PCDHB7: variants seen among roughly 807,000 people sequenced by gnomAD.
The protein encoded by PCDHB7 is protocadherin beta-7.
For missense variants in PCDHB7, 1,148 were observed against 1,011.6 expected (o/e 1.13, Z -1.83); for synonymous variants, 542 against 463.1 (o/e 1.17, Z -2.19).
At position 141,176,374 on chromosome 5, in the gene PCDHB7, G is replaced by A. The variant is rs533396672; in HGVS notation, c.*1157G>A. 59 of 166,878 alleles carry A rather than the reference G, an allele frequency of 3.5e-4. No homozygotes were observed. Among genetic ancestry groups the A allele is most frequent in the African/African-American group, 1.2e-3 (51 of 41,568 alleles). The allele number at this position is 166,878 out of a possible 1,614,324, so 10.3% of individuals were successfully genotyped here. A position where few individuals can be genotyped will look rare whatever the true frequency, so the allele number is the denominator to read the frequency against. ...AGAAATTCTCGGAAGTTAAGGAGAA[G>A]CACTGTTTTTTATAAAAATTTACAA... On this transcript the variant is annotated 3_prime_UTR_variant, in exon 1 of 1. Coordinates refer to ENST00000231137, the MANE Select transcript of PCDHB7 (RefSeq NM_018940.4).
Position 141,173,547 on chromosome 5 carries a change from A to G in PCDHB7, c.712A>G (p.Asn238Asp). The G allele has an allele frequency of 6.2e-7, 1 of 1,613,656 alleles. No homozygotes were observed. Among genetic ancestry groups the G allele is most frequent in the South Asian group, 1.1e-5 (1 of 91,058 alleles). The change falls in exon 1 of 1, where the codon AAC becomes GAC. Residue 238 changes from asparagine to aspartate, a missense_variant. By Grantham distance (23) the Asn-to-Asp change is conservative. Transcript: ENST00000231137. ...CATTCTGGTTCTAGACGTAAATGAC[A>G]ACGCCCCTGATTTTGTGCGGTCGCT... ...VRILVLDVND[N>D]APDFVRSLYK...
In PCDHB7 at chr5:141,175,175, A is replaced by G. The variant is rs1554280487; in HGVS notation, c.2340A>G (p.Glu780=). 1.2e-6 allele frequency: 2 copies of G among 1,610,880 alleles called. No individual in the cohort carries two copies. Among genetic ancestry groups the G allele is most frequent in the South Asian group, 2.2e-5 (2 of 90,754 alleles). ...TGCTACCCCAGAGCACAGGCAGGGAAGTGGAAGAAAATCGCCCATTTCAGA... is the reference window on the plus strand; with the variant it reads ...TGCTACCCCAGAGCACAGGCAGGGAGGTGGAAGAAAATCGCCCATTTCAGA... The part of the protein sequence containing the change: ...PNLLPQSTGR[E]VEENRPFQNN... The change falls in exon 1 of 1, where the codon GAA becomes GAG. Residue 780 remains glutamate, a synonymous_variant. Transcript: ENST00000231137.
chr5:141,173,707 C>G lies in PCDHB7; in HGVS notation c.872C>G (p.Thr291Arg), dbSNP rs782300561. Residue 291 changes from threonine to arginine, a missense_variant, in exon 1 of 1, where the codon ACG (threonine) becomes AGG (arginine). Coordinates refer to ENST00000231137, the MANE Select transcript of PCDHB7 (RefSeq NM_018940.4). Reference protein sequence around the residue: ...FSYATERILKTFQINPTSGSL... With the variant: ...FSYATERILKRFQINPTSGSL... ...TACGCCACTGAAAGAATTCTCAAAA[C>G]GTTTCAAATCAATCCAACATCTGGC... The G allele has an allele frequency of 6.2e-7, 1 of 1,613,898 alleles. No individual in the cohort carries two copies. Among genetic ancestry groups the G allele is most frequent in the African/African-American group, 1.3e-5 (1 of 74,918 alleles).
Position 141,172,904 on chromosome 5 carries a change from G to A in PCDHB7, c.69G>A (p.Met23Ile), listed in dbSNP as rs139311325. Residue 23 changes from methionine (M) to isoleucine (I), a missense_variant, in exon 1 of 1, where the codon ATG becomes ATA. Transcript: ENST00000231137. The stretch of plus-strand genomic sequence containing the variant: ...TATTTCTTTGTGTATTTCTGGGAAT[G>A]TCTTGGGCTGGCGCCGAACCGCTTC... ...QVLFLCVFLG[M>I]SWAGAEPLRY... is the part of the protein sequence containing the mutation. 19 of 1,614,114 alleles carry A rather than the reference G, an allele frequency of 1.2e-5. No homozygotes were observed. In the African/African-American group the frequency reaches 1.6e-4, roughly 14 times the overall value.
rs782089923 is a variant in PCDHB7 at position 141,173,832 on chromosome 5, G to A, written c.997G>A (p.Val333Ile). The change falls in exon 1 of 1, where the codon GTA becomes ATA. Residue 333 changes from valine (V) to isoleucine (I), a missense_variant. Val to Ile is a conservative substitution (Grantham distance 29). Transcript: ENST00000231137. ...DGGGLSGKCT[V>I]VVDVTDINDN... ...CGGCGGGCTTTCTGGAAAATGCACT[G>A]TAGTGGTTGATGTAACAGATATAAA... is the stretch of plus-strand genomic sequence containing the variant. 2 of 1,614,194 alleles carry A rather than the reference G, an allele frequency of 1.2e-6. No individual in the cohort carries two copies. The highest frequency in any genetic ancestry group is 1.7e-6 in the Non-Finnish European group (2 of 1,180,030).
At position 141,173,879 on chromosome 5, in the gene PCDHB7, C is replaced by G. The variant is rs782372384; in HGVS notation, c.1044C>G (p.Leu348=). The change falls in exon 1 of 1, where the codon CTC becomes CTG. Residue 348 remains leucine (L), a synonymous_variant. Coordinates refer to ENST00000231137, the MANE Select transcript of PCDHB7 (RefSeq NM_018940.4). ...TDINDNRPEL[L]LSSLTSPIAE... is the part of the protein sequence containing the mutation. The stretch of plus-strand genomic sequence containing the variant: ...TAAACGATAATCGACCCGAGCTGCT[C>G]CTGTCTTCACTTACTAGCCCAATTG... The G allele has an allele frequency of 2.5e-6, 4 of 1,613,626 alleles. No individual in the cohort carries two copies. Among genetic ancestry groups the G allele is most frequent in the Non-Finnish European group, 3.4e-6 (4 of 1,179,658 alleles).
At position 141,175,365 on chromosome 5, in the gene PCDHB7, G is replaced by C. The variant is rs1448101553; in HGVS notation, c.*148G>C. 22 of 939,530 alleles carry C rather than the reference G, an allele frequency of 2.3e-5. No individual in the cohort carries two copies. The highest frequency in any genetic ancestry group is 3.4e-5 in the Non-Finnish European group (22 of 640,986). The allele number at this position is 939,530 out of a possible 1,614,324, so 58.2% of individuals were successfully genotyped here. ...ATTTCTATACATAAAATAGGATCCT[G>C]ATTTAGTATCAAGAACCCTTCACAA... On this transcript the variant is annotated 3_prime_UTR_variant, in exon 1 of 1. Coordinates refer to ENST00000231137, the MANE Select transcript of PCDHB7 (RefSeq NM_018940.4).
chr5:141,175,245 G>T lies in PCDHB7; in HGVS notation c.*28G>T. Reference sequence around the variant, plus strand: ...AAGAATGTAAACTAAATCCGCGTCTGTGAATACGTTTCTGATTAGGAACTT... The same window carrying T: ...AAGAATGTAAACTAAATCCGCGTCTTTGAATACGTTTCTGATTAGGAACTT... On this transcript the variant is annotated 3_prime_UTR_variant, in exon 1 of 1. Transcript: ENST00000231137. 6.4e-7 allele frequency: 1 copy of T among 1,570,742 alleles called. No individual in the cohort carries two copies. The highest frequency in any genetic ancestry group is 8.6e-7 in the Non-Finnish European group (1 of 1,156,698).
Position 141,176,292 on chromosome 5 carries a change from ATAGT to A in PCDHB7, c.*1081_*1084del, listed in dbSNP as rs1312008756. ...GAATCAGGAAAATTTAAGAAAAAGA[ATAGT>A]TAGTTTTAAATGCATAATATCAAAG... On this transcript the variant is annotated 3_prime_UTR_variant, in exon 1 of 1. Coordinates refer to ENST00000231137, the MANE Select transcript of PCDHB7 (RefSeq NM_018940.4). 1 of 167,154 alleles carries A rather than the reference ATAGT, an allele frequency of 6.0e-6. No individual in the cohort carries two copies. The highest frequency in any genetic ancestry group is 1.5e-5 in the Non-Finnish European group (1 of 68,132). The allele number at this position is 167,154 out of a possible 1,614,324, so 10.4% of individuals were successfully genotyped here.
In PCDHB7 at chr5:141,174,733, G is replaced by A. The variant is rs375792075; in HGVS notation, c.1898G>A (p.Arg633His). 2 of 1,611,052 alleles carry A rather than the reference G, an allele frequency of 1.2e-6. No individual in the cohort carries two copies. Among genetic ancestry groups the A allele is most frequent in the African/African-American group, 2.7e-5 (2 of 74,864 alleles). ...CGTACCGCCAGGCTGCTGAGCGAGC[G>A]CGACGCAGCCAAGCAGAGGCTGGTG... ...EVRTARLLSE[R>H]DAAKQRLVVL... Residue 633 changes from arginine (R) to histidine (H), a missense_variant, in exon 1 of 1, where the codon CGC (arginine) becomes CAC (histidine). By Grantham distance (29) the Arg-to-His change is conservative. Coordinates refer to ENST00000231137, the MANE Select transcript of PCDHB7 (RefSeq NM_018940.4).
At position 141,176,233 on chromosome 5, in the gene PCDHB7, T is replaced by A. The variant is rs1436901909; in HGVS notation, c.*1016T>A. On this transcript the variant is annotated 3_prime_UTR_variant, in exon 1 of 1. Transcript: ENST00000231137. ...CATTTTCCTGATTTGAAAGTTTGTT[T>A]TTAAAAGTTTTCTATTAATTATAGT... 6.0e-6 allele frequency: 1 copy of A among 167,160 alleles called. No individual in the cohort carries two copies. Among genetic ancestry groups the A allele is most frequent in the South Asian group, 2.1e-4 (1 of 4,836 alleles). 10.4% of individuals were successfully genotyped at this position (167,160 alleles called of 1,614,324 possible). A position where few individuals can be genotyped will look rare whatever the true frequency, so the allele number is the denominator to read the frequency against.
rs1753358121 is a variant in PCDHB7, at chr5:141,175,429, ATTATGC to A, written c.*216_*221del. 1 of 629,330 alleles carries A rather than the reference ATTATGC, an allele frequency of 1.6e-6. No homozygotes were observed. Among genetic ancestry groups the A allele is most frequent in the South Asian group, 2.4e-5 (1 of 41,072 alleles). 39.0% of individuals were successfully genotyped at this position (629,330 alleles called of 1,614,324 possible). A position where few individuals can be genotyped will look rare whatever the true frequency, so the allele number is the denominator to read the frequency against. On this transcript the variant is annotated 3_prime_UTR_variant, in exon 1 of 1. Transcript: ENST00000231137. ...TATGTGTAATGTTTTATGTCAAACA[ATTATGC>A]TTAATATACAGTCTATTAAATGTAA...
Position 141,173,682 on chromosome 5 carries a change from T to A in PCDHB7, c.847T>A (p.Tyr283Asn), listed in dbSNP as rs1451409513. Residue 283 changes from tyrosine (Y) to asparagine (N), a missense_variant, in exon 1 of 1, where the codon TAC (tyrosine) becomes AAC (asparagine). Physicochemically the swap from Tyr to Asn is moderately radical, Grantham distance 143. Coordinates refer to ENST00000231137, the MANE Select transcript of PCDHB7 (RefSeq NM_018940.4). ...SNGEIAYAFSYATERILKTFQ... is the reference protein window; with the variant it reads ...SNGEIAYAFSNATERILKTFQ... ...TGGGGAAATAGCCTATGCATTTTCT[T>A]ACGCCACTGAAAGAATTCTCAAAAC... 3 of 1,614,188 alleles carry A rather than the reference T, an allele frequency of 1.9e-6. No homozygotes were observed. Among genetic ancestry groups the A allele is most frequent in the Non-Finnish European group, 2.5e-6 (3 of 1,180,028 alleles).
rs1588349878 is a variant in PCDHB7, at chr5:141,174,859, A to G, written c.2024A>G (p.Glu675Gly). 6.2e-7 allele frequency: 1 copy of G among 1,612,614 alleles called. No individual in the cohort carries two copies. Among genetic ancestry groups the G allele is most frequent in the South Asian group, 1.1e-5 (1 of 91,030 alleles). Residue 675 changes from glutamate (E) to glycine (G), a missense_variant, in exon 1 of 1, where the codon GAG becomes GGG. Coordinates refer to ENST00000231137, the MANE Select transcript of PCDHB7 (RefSeq NM_018940.4). ...GFSQPYLRLP[E>G]AAPDQANSLT... ...TCCCAGCCCTACCTGCGGCTCCCGG[A>G]GGCGGCCCCGGACCAGGCCAACTCG...
Position 141,174,476 on chromosome 5 carries a change from G to C in PCDHB7, c.1641G>C (p.Val547=). ...CCGCGCTGAGCAGCGAGGCGCTGGT[G>C]CGCGTGCTGGTGCTGGACGCCAACG... ...GSPALSSEAL[V]RVLVLDANDN... is the part of the protein sequence containing the mutation. Residue 547 remains valine (V), a synonymous_variant, in exon 1 of 1, where the codon GTG becomes GTC. Transcript: ENST00000231137. The C allele has an allele frequency of 6.2e-7, 1 of 1,611,270 alleles. No individual in the cohort carries two copies. The highest frequency in any genetic ancestry group is 8.5e-7 in the Non-Finnish European group (1 of 1,179,534).
chr5:141,174,312 T>C lies in PCDHB7; in HGVS notation c.1477T>C (p.Ser493Pro), dbSNP rs17844453. 5,974 of 1,598,296 alleles carry C rather than the reference T, an allele frequency of 3.7e-3. 73 individuals carry two copies. The highest frequency in any genetic ancestry group is 0.022 in the Admixed American group (1,312 of 59,126). Residue 493 changes from serine to proline, a missense_variant, in exon 1 of 1, where the codon TCC becomes CCC. Transcript: ENST00000231137. The stretch of plus-strand genomic sequence containing the variant: ...CCAGGTCATCTACTCCCTGCTGCCG[T>C]CCCAGGACCCGCACCTGCCCCTCGC... ...NAQVIYSLLP[S>P]QDPHLPLASL...
chr5:141,172,920 G>T lies in PCDHB7; in HGVS notation c.85G>T (p.Glu29Ter). Residue 29 changes from glutamate (E) to a stop codon, truncating the protein, a stop_gained, in exon 1 of 1, where the codon GAA becomes TAA. Coordinates refer to ENST00000231137, the MANE Select transcript of PCDHB7 (RefSeq NM_018940.4). LOFTEE classifies it low-confidence loss of function (END_TRUNC). ...VFLGMSWAGA[E>*]PLRYFVAEET... ...TCTGGGAATGTCTTGGGCTGGCGCC[G>T]AACCGCTTCGGTATTTTGTGGCGGA... The T allele has an allele frequency of 6.2e-7, 1 of 1,614,182 alleles. No homozygotes were observed. Among genetic ancestry groups the T allele is most frequent in the Non-Finnish European group, 8.5e-7 (1 of 1,180,036 alleles).
chr5:141,173,603 C>G lies in PCDHB7; in HGVS notation c.768C>G (p.Pro256=), dbSNP rs1191780281. Residue 256 remains proline, a synonymous_variant, in exon 1 of 1, where the codon CCC becomes CCG. Coordinates refer to ENST00000231137, the MANE Select transcript of PCDHB7 (RefSeq NM_018940.4). ...LYKVQVPENS[P]VGSMVVSVSA... ...AGGTGCAGGTGCCCGAAAATAGCCC[C>G]GTTGGTTCCATGGTTGTCTCCGTGT... 9 of 1,614,136 alleles carry G rather than the reference C, an allele frequency of 5.6e-6. No individual in the cohort carries two copies. The highest frequency in any genetic ancestry group is 7.6e-6 in the Non-Finnish European group (9 of 1,180,028).
chr5:141,173,688 A>G lies in PCDHB7; in HGVS notation c.853A>G (p.Thr285Ala). The change falls in exon 1 of 1, where the codon ACT (threonine) becomes GCT (alanine). Residue 285 changes from threonine to alanine, a missense_variant. Physicochemically the swap from Thr to Ala is moderately conservative, Grantham distance 58. Coordinates refer to ENST00000231137, the MANE Select transcript of PCDHB7 (RefSeq NM_018940.4). ...GEIAYAFSYA[T>A]ERILKTFQIN... is the part of the protein sequence containing the mutation. Reference sequence around the variant, plus strand: ...AATAGCCTATGCATTTTCTTACGCCACTGAAAGAATTCTCAAAACGTTTCA... The same window carrying G: ...AATAGCCTATGCATTTTCTTACGCCGCTGAAAGAATTCTCAAAACGTTTCA... 6.2e-7 allele frequency: 1 copy of G among 1,614,136 alleles called. No homozygotes were observed. Among genetic ancestry groups the G allele is most frequent in the Non-Finnish European group, 8.5e-7 (1 of 1,179,996 alleles).
Sources: allele counts gnomAD v4.1 joint callset, GRCh38; gene constraint gnomAD v4.1.1; transcripts MANE v1.5; gene names NCBI Gene and HGNC (gene_info 2026-07-23, HGNC 2026-07-21).